The following AGRN variants were observed in gnomAD, a reference collection of about 807,000 sequenced individuals.
AGRN encodes the protein agrin proteoglycan.
Under a neutral mutation model 211.0 loss-of-function variants are expected in AGRN, and 106 were observed. The observed-to-expected ratio is 0.50, with a 90% CI of 0.43 to 0.59. The LOEUF (loss-of-function observed/expected upper bound fraction) is 0.59. AGRN is among the 20% of genes least tolerant of loss of function. The pLI is 0.00. For synonymous variants in AGRN, 1,525 were observed against 1,332.5 expected (o/e 1.14, Z -3.15); for missense variants, 3,040 against 2,982.6 (o/e 1.02, Z -0.45).
In AGRN at chr1:1,048,218, G is replaced by A. The variant is rs780180385; in HGVS notation, c.3958G>A (p.Gly1320Arg). ...CACCACTGCCCCCAGCCGTGTGCCC[G>A]GACGTCGGCCCCCGGCCCCCCAGCA... ...PPTTAPSRVP[G>R]RRPPAPQQPP... Residue 1320 changes from glycine to arginine, a missense_variant, in exon 23 of 36, where the codon GGA (glycine) becomes AGA (arginine). By Grantham distance (125) the Gly-to-Arg change is moderately radical (BLOSUM62 -2). Around this residue, in one of 3 missense-constraint regions of AGRN, gnomAD observed 1,537 missense variants for 1,505.0 expected, o/e 1.02. Coordinates refer to ENST00000379370, the MANE Select transcript of AGRN (RefSeq NM_198576.4). This position sits in a 1 kb window ranked among gnomAD's most constrained non-coding sequence, Gnocchi z 5.9. 2.2e-4 allele frequency: 346 copies of A among 1,549,572 alleles called. No individual in the cohort carries two copies. The East Asian group carries it at 3.3e-3, about 15-fold the overall frequency.
In AGRN at chr1:1,046,012, C is replaced by T. The variant is rs778548788; in HGVS notation, c.2729C>T (p.Ala910Val). 6.2e-6 allele frequency: 10 copies of T among 1,613,852 alleles called. No individual in the cohort carries two copies. The highest frequency in any genetic ancestry group is 1.7e-5 in the Admixed American group (1 of 60,012). The change falls in exon 16 of 36, where the codon GCG becomes GTG. Residue 910 changes from alanine (A) to valine (V), a missense_variant. This residue lies in a region of AGRN where 1,498 missense variants were observed against 1,457.8 expected (regional missense o/e 1.03). Transcript: ENST00000379370. ...TCAEMRCEFG[A>V]RCVEESGSAH... ...GCGGAGATGCGCTGTGAGTTCGGTG[C>T]GCGGTGCGTGGAGGAGTCTGGCTCA...
At chr1:1,038,903 T>C (rs1313384254) in intron 3 of AGRN, among the ~76,000 whole-genome samples, 2 of 151,944 alleles carry the variant, frequency 1.3e-5, no homozygotes, top group Non-Finnish European at 2.9e-5. Context: ...GGGGTGCATG[T>C]GGTTTGAGTT....
At position 1,051,570 on chromosome 1, in the gene AGRN, G is replaced by A. The variant is rs1337930867; in HGVS notation, c.5488G>A (p.Ala1830Thr). ...CTCAGGCCACCCCTGCCTCAATGGG[G>A]CCTCCTGCGTCCCGAGGGAGGCTGC... ...RASGHPCLNGASCVPREAAYV... is the reference protein window; with the variant it reads ...RASGHPCLNGTSCVPREAAYV... Residue 1830 changes from alanine (A) to threonine (T), a missense_variant, in exon 32 of 36, where the codon GCC (alanine) becomes ACC (threonine). Around this residue, in one of 3 missense-constraint regions of AGRN, gnomAD observed 1,537 missense variants for 1,505.0 expected, o/e 1.02. Coordinates refer to ENST00000379370, the MANE Select transcript of AGRN (RefSeq NM_198576.4). The A allele has an allele frequency of 6.3e-7, 1 of 1,592,162 alleles. No homozygotes were observed. The highest frequency in any genetic ancestry group is 1.7e-5 in the Admixed American group (1 of 58,322).
chr1:1,022,470 G>C lies in AGRN; in HGVS notation c.463+8G>C, dbSNP rs1181743575. The C allele has an allele frequency of 1.2e-6, 2 of 1,603,970 alleles. No individual in the cohort carries two copies. Among genetic ancestry groups the C allele is most frequent in the Admixed American group, 3.3e-5 (2 of 59,710 alleles). The stretch of plus-strand genomic sequence containing the variant: ...TGGAGTTCTGTGTGGAAGGTGCGTG[G>C]TGGGGGGCTCGTGTGGGGGCCTGTG... On this transcript the variant is annotated splice_region_variant and intron_variant, in intron 2 of 35. Transcript: ENST00000379370.
At position 1,020,318 on chromosome 1, in the gene AGRN, G is replaced by A; in HGVS notation, c.146G>A (p.Gly49Glu). 1.3e-6 allele frequency: 2 copies of A among 1,490,628 alleles called. No individual in the cohort carries two copies. The highest frequency in any genetic ancestry group is 1.8e-6 in the Non-Finnish European group (2 of 1,119,114). The allele number at this position is 1,490,628 out of a possible 1,614,324, so 92.3% of individuals were successfully genotyped here. A position where few individuals can be genotyped will look rare whatever the true frequency, so the allele number is the denominator to read the frequency against. Residue 49 changes from glycine to glutamate, a missense_variant, in exon 1 of 36, where the codon GGG (glycine) becomes GAG (glutamate). Gly to Glu is a moderately conservative substitution (Grantham distance 98). Around this residue, in one of 3 missense-constraint regions of AGRN, gnomAD observed 1,498 missense variants for 1,457.8 expected, o/e 1.03. Coordinates refer to ENST00000379370, the MANE Select transcript of AGRN (RefSeq NM_198576.4). ...GAGGAGGCGAACGTGGTGCTCACCG[G>A]GACGGTGGAGGAGATCCTCAACGTG... ...REEEANVVLT[G>E]TVEEILNVDP...
chr1:1,030,087 G>A (rs1261694901), intron 2 of AGRN, among the ~76,000 whole-genome samples: 1 of 111,188 alleles, frequency 9.0e-6, no homozygotes, highest in Non-Finnish European at 1.8e-5. Flanking sequence ...AGTGCCTGGT[G>A]CTGTGAGATC....
chr1:1,034,420 GA>G, intron 2 of AGRN: 1 of 985,752 alleles, frequency 1.0e-6, no homozygotes, highest in Non-Finnish European at 1.2e-6. Context: ...GTGACTGGGT[GA>G]ACTCTGAGGG....
chr1:1,054,434 C>T lies in AGRN; in HGVS notation c.5877-14C>T, dbSNP rs776478354. ...CTCTGGGCCCTGATGGTCTCCCCCT[C>T]CCTGCACACCCAGGGAGCAGAGGGA... On this transcript the variant is annotated splice_polypyrimidine_tract_variant and intron_variant, in intron 34 of 35. Transcript: ENST00000379370. 3 of 1,567,036 alleles carry T rather than the reference C, an allele frequency of 1.9e-6. No homozygotes were observed. Among genetic ancestry groups the T allele is most frequent in the Non-Finnish European group, 2.6e-6 (3 of 1,155,472 alleles).
Position 1,053,734 on chromosome 1 carries a change from C to CCTGCCCT in AGRN, c.5652-10_5652-4dup. 6.3e-7 allele frequency: 1 copy of CCTGCCCT among 1,579,524 alleles called. No individual in the cohort carries two copies. The highest frequency in any genetic ancestry group is 8.6e-7 in the Non-Finnish European group (1 of 1,162,956). Reference sequence around the variant, plus strand: ...GTTGCCACCTTCCTAGAGGCCCTGACCTGCCCTCTGCCCTCCAGCGAGAAG... The same window carrying CCTGCCCT: ...GTTGCCACCTTCCTAGAGGCCCTGACCTGCCCTCTGCCCTCTGCCCTCCAGCGAGAAG... On this transcript the variant is annotated intron_variant, in intron 33 of 35. Coordinates refer to ENST00000379370, the MANE Select transcript of AGRN (RefSeq NM_198576.4).
In AGRN at chr1:1,048,051, C is replaced by T. The variant is rs921967322; in HGVS notation, c.3791C>T (p.Ala1264Val). The change falls in exon 23 of 36, where the codon GCC (alanine) becomes GTC (valine). Residue 1264 changes from alanine to valine, a missense_variant. Around this residue, in one of 3 missense-constraint regions of AGRN, gnomAD observed 1,537 missense variants for 1,505.0 expected, o/e 1.02. Transcript: ENST00000379370. This position sits in a 1 kb window ranked among gnomAD's most constrained non-coding sequence, Gnocchi z 5.9. ...PAFITGATSGAIAAGATARAT... is the reference protein window; with the variant it reads ...PAFITGATSGVIAAGATARAT... The stretch of plus-strand genomic sequence containing the variant: ...TTTATCACGGGGGCCACGTCAGGAG[C>T]CATTGCTGCGGGAGCCACGGCCAGA... The T allele has an allele frequency of 3.8e-6, 6 of 1,586,248 alleles. No homozygotes were observed. Among genetic ancestry groups the T allele is most frequent in the Admixed American group, 1.7e-5 (1 of 58,484 alleles).
intron 2 of AGRN, among the ~76,000 whole-genome samples, chr1:1,029,670 CATGTGT>C (rs1238088924): frequency 1.0e-3 from 18 of 17,784 alleles, no homozygotes; most frequent in East Asian, 0.12. Context: ...GTGAGATCAG[CATGTGT>C]GTGTGTGTGT....
chr1:1,021,950 G>A lies in AGRN; in HGVS notation c.202-251G>A, dbSNP rs528377195. Among the ~76,000 whole-genome samples the A allele has an allele frequency of 1.5e-4, 23 of 152,370 alleles. No individual in the cohort carries two copies. The East Asian group carries it at 2.9e-3, about 19-fold the overall frequency. On this transcript the variant is annotated intron_variant, in intron 1 of 35. Transcript: ENST00000379370. Reference sequence around the variant, plus strand: ...TAGGGACGTTATTGGAGCTGGGGTGGCTGAAGTTGGTTAGACCTGGGGGAG... The same window carrying A: ...TAGGGACGTTATTGGAGCTGGGGTGACTGAAGTTGGTTAGACCTGGGGGAG...
At position 1,023,304 on chromosome 1, in the gene AGRN, C is replaced by G. The variant is rs140010813; in HGVS notation, c.463+842C>G. 9.6e-3 allele frequency among the ~76,000 whole-genome samples: 1,460 copies of G among 152,254 alleles called. 18 individuals carry two copies. The highest frequency in any genetic ancestry group is 0.033 in the African/African-American group (1,376 of 41,528). On this transcript the variant is annotated intron_variant, in intron 2 of 35. Transcript: ENST00000379370. ...GGCTCTTGAGGGGTCCTTGTGGGGT[C>G]CTGGACTGTCCACTGCTCTTGCCTT...
At chr1:1,035,356 G>A (rs1644779050) in intron 3 of AGRN, 32 bp downstream of exon 3, 1 of 1,612,448 alleles carries the variant, frequency 6.2e-7, no homozygotes, top group Non-Finnish European at 8.5e-7. Context: ...GGACCTGGAT[G>A]GGCTGTGGCA....
Position 1,046,188 on chromosome 1 carries a change from GCAA to G in AGRN, c.2836_2838del (p.Asn946del), listed in dbSNP as rs2100657665. 1 of 1,613,826 alleles carries G rather than the reference GCAA, an allele frequency of 6.2e-7. No individual in the cohort carries two copies. The highest frequency in any genetic ancestry group is 8.5e-7 in the Non-Finnish European group (1 of 1,179,996). ...TGTGGGTCAGATGGAGTCACATACG[GCAA>G]CGAGTGTCAGCTGAAGACCATCGCC... On this transcript the variant is annotated inframe_deletion, in exon 17 of 36. Transcript: ENST00000379370.
At chr1:1,050,861 G>T (rs772283195) in intron 30 of AGRN, 24 bp downstream of exon 30, 30 of 1,534,090 alleles carry the variant, frequency 2.0e-5, no homozygotes, top group Non-Finnish European at 2.4e-5. Flanking sequence ...GCCGCGAGGG[G>T]ACTCCCGCTG....
chr1:1,036,822 G>C (rs1644815764), intron 3 of AGRN, among the ~76,000 whole-genome samples: 1 of 152,198 alleles, frequency 6.6e-6, no homozygotes, highest in African/African-American at 2.4e-5. Flanking sequence ...CAAGGTGATT[G>C]AGGCCTCTGA....
At chr1:1,020,420 C>T (rs1240367297) in intron 1 of AGRN, 47 bp downstream of exon 1, 49 of 1,472,364 alleles carry the variant, frequency 3.3e-5, no homozygotes, top group Non-Finnish European at 4.2e-5. Flanking sequence ...CCTGCCGCCC[C>T]GCCGGGACCC....
chr1:1,025,668 G>A (rs921049921), intron 2 of AGRN, among the ~76,000 whole-genome samples: 46 of 151,760 alleles, frequency 3.0e-4, no homozygotes, highest in Admixed American at 2.2e-3. Flanking sequence ...CCCCCAGGCA[G>A]GTCTGGGCTC....
Sources: allele counts gnomAD v4.1 joint callset (sites outside exome capture counted in the v4.1 genomes callset), GRCh38; gene constraint gnomAD v4.1.1; regional missense constraint gnomAD v4.1.1; non-coding constraint Gnocchi (gnomAD v3.1); transcripts MANE v1.5; gene names NCBI Gene and HGNC (gene_info 2026-07-23, HGNC 2026-07-21).